The following BTC variants were observed in gnomAD, a reference collection of about 807,000 sequenced individuals.
BTC encodes probetacellulin.
Under a neutral mutation model 18.1 loss-of-function variants are expected in BTC, and 13 were observed. The observed-to-expected ratio is 0.72, with a 90% CI of 0.47 to 1.14. BTC has a LOEUF of 1.14. Among genes scored for constraint, BTC ranks in the 50% most tolerant of loss-of-function variants. BTC has a pLI of 0.00. For missense variants in BTC, 247 were observed against 224.2 expected (o/e 1.10, Z -0.65); for synonymous variants, 83 against 79.4 (o/e 1.05, Z -0.24).
chr4:74,756,473 T>C (rs1412867702), intron 2 of BTC, among the ~76,000 whole-genome samples: 1 of 152,204 alleles, frequency 6.6e-6, no homozygotes, highest in East Asian at 1.9e-4. Flanking sequence ...ACCACTCCAA[T>C]CTCCAATTTA....
At chr4:74,780,612 T>C (rs545742280) in intron 1 of BTC, among the ~76,000 whole-genome samples, 2 of 152,348 alleles carry the variant, frequency 1.3e-5, no homozygotes, top group Admixed American at 1.3e-4. Context: ...TTACCTATTG[T>C]AGTTGTGCTT....
chr4:74,772,652 C>CAAA (rs1179856738), intron 1 of BTC, among the ~76,000 whole-genome samples: 1 of 91,162 alleles, frequency 1.1e-5, no homozygotes, highest in Non-Finnish European at 2.4e-5. Flanking sequence ...ATGGTGAGAA[C>CAAA]AAAAAAAAAA....
At chr4:74,781,424 G>T (rs901835539) in intron 1 of BTC, among the ~76,000 whole-genome samples, 1 of 125,326 alleles carries the variant, frequency 8.0e-6, no homozygotes, top group Non-Finnish European at 1.6e-5. Context: ...TGTGGCTTCA[G>T]TTACCAACAA....
rs149354509 is a variant in BTC, at chr4:74,766,069, A to G, written c.163+3989T>C. ...TTTTATATCTAAACATAGAAAAAGT[A>G]CAGTAAAAATATGATATAAAAGTTT... On this transcript the variant is annotated intron_variant, in intron 2 of 5. Coordinates refer to ENST00000395743, the MANE Select transcript of BTC (RefSeq NM_001729.4). Among the ~76,000 whole-genome samples, 3 of 152,250 alleles carry G rather than the reference A, an allele frequency of 2.0e-5. No homozygotes were observed. In the East Asian group the frequency reaches 5.8e-4, roughly 29 times the overall value.
chr4:74,752,818 A>G (rs1724499537), intron 3 of BTC, among the ~76,000 whole-genome samples: 1 of 152,228 alleles, frequency 6.6e-6, no homozygotes, highest in Non-Finnish European at 1.5e-5. Flanking sequence ...GTATTTTTAA[A>G]CAATAGCTTT....
chr4:74,758,168 G>C (rs1205594734), intron 2 of BTC, among the ~76,000 whole-genome samples: 4 of 152,108 alleles, frequency 2.6e-5, no homozygotes, highest in African/African-American at 9.7e-5. Context: ...GGCAGTGGGA[G>C]GCAGATTTCA....
intron 2 of BTC, among the ~76,000 whole-genome samples, chr4:74,767,054 C>T (rs60799154): frequency 0.23 from 34,973 of 151,620 alleles, 5,229 homozygotes; most frequent in African/African-American, 0.43. Flanking sequence ...TGCAACATAG[C>T]GCAGGAAGTC....
intron 1 of BTC, among the ~76,000 whole-genome samples, chr4:74,778,731 C>A (rs1725241451): frequency 6.6e-6 from 1 of 152,158 alleles, no homozygotes; most frequent in Non-Finnish European, 1.5e-5. Context: ...CCCTTGGTGA[C>A]AGAGAGGCCA....
intron 1 of BTC, among the ~76,000 whole-genome samples, chr4:74,775,039 T>C (rs1725141672): frequency 6.6e-6 from 1 of 152,064 alleles, no homozygotes; most frequent in African/African-American, 2.4e-5. Flanking sequence ...ACTGTCTGGA[T>C]TGTGGTACCA....
At chr4:74,759,720 A>C (rs1236647857) in intron 2 of BTC, among the ~76,000 whole-genome samples, 1 of 152,040 alleles carries the variant, frequency 6.6e-6, no homozygotes, top group Non-Finnish European at 1.5e-5. Context: ...CCTAACTCTA[A>C]GGGTTTGCAA....
intron 1 of BTC, among the ~76,000 whole-genome samples, chr4:74,790,756 T>G (rs1218984322): frequency 6.6e-6 from 1 of 152,186 alleles, no homozygotes; most frequent in Non-Finnish European, 1.5e-5. Context: ...GCACCTGGTC[T>G]GACCAATACC....
chr4:74,776,392 G>A (rs1195459707), intron 1 of BTC, among the ~76,000 whole-genome samples: 2 of 152,058 alleles, frequency 1.3e-5, no homozygotes, highest in East Asian at 3.8e-4. Flanking sequence ...TTTGCTAAGT[G>A]ACTAGAAATT....
intron 1 of BTC, among the ~76,000 whole-genome samples, chr4:74,785,335 T>C (rs28489508): frequency 0.18 from 26,978 of 152,012 alleles, 3,947 homozygotes; most frequent in African/African-American, 0.41. Flanking sequence ...ATTAGTCTAG[T>C]TAGCTGTCTA....
At chr4:74,781,647 C>G (rs1459263430) in intron 1 of BTC, among the ~76,000 whole-genome samples, 1 of 152,006 alleles carries the variant, frequency 6.6e-6, no homozygotes, top group Non-Finnish European at 1.5e-5. Flanking sequence ...TTTTCTGACT[C>G]CCACACCACA....
At chr4:74,776,916 G>T (rs2109908065) in intron 1 of BTC, among the ~76,000 whole-genome samples, 1 of 152,178 alleles carries the variant, frequency 6.6e-6, no homozygotes, top group South Asian at 2.1e-4. Context: ...ACTAAATCCA[G>T]TGATTCCTTG....
At chr4:74,789,169 T>C (rs759151584) in intron 1 of BTC, among the ~76,000 whole-genome samples, 2 of 152,222 alleles carry the variant, frequency 1.3e-5, no homozygotes, top group Non-Finnish European at 2.9e-5. Flanking sequence ...ATCCCTGCCA[T>C]CGTGGAGCTT....
chr4:74,771,164 T>C (rs1012561975), intron 1 of BTC, among the ~76,000 whole-genome samples: 2 of 150,500 alleles, frequency 1.3e-5, no homozygotes, highest in African/African-American at 2.4e-5. Context: ...GAGGGAAGAA[T>C]AGAAAAAGAA....
intron 1 of BTC, among the ~76,000 whole-genome samples, chr4:74,792,336 T>G (rs1725654828): frequency 1.3e-5 from 2 of 152,184 alleles, no homozygotes; most frequent in Non-Finnish European, 2.9e-5. Flanking sequence ...AGTTTTGTGA[T>G]AGTAAAGGGG....
intron 2 of BTC, among the ~76,000 whole-genome samples, chr4:74,766,220 C>T (rs1195148429): frequency 1.3e-5 from 2 of 151,820 alleles, no homozygotes; most frequent in Admixed American, 6.6e-5. Context: ...CATAAACCAC[C>T]GCAGACTTTA....
Sources: gnomAD v4.1 joint callset for allele counts (sites outside exome capture counted in the v4.1 genomes callset) on GRCh38, gnomAD v4.1.1 for gene constraint, MANE v1.5 for transcripts, NCBI Gene and HGNC (gene_info 2026-07-23, HGNC 2026-07-21) for gene names.